Variants in LDB2 observed in about 807,000 individuals in gnomAD.
The protein encoded by LDB2 is LIM domain-binding protein 2.
A neutral mutation model predicts 44.3 loss-of-function variants in LDB2; 12 were observed. The ratio of observed to expected loss-of-function variants is 0.27; its 90% CI spans 0.17 to 0.44. LDB2 has a LOEUF of 0.44. LDB2 is among the 20% of genes least tolerant of loss of function. The pLI, the probability that LDB2 is intolerant of heterozygous loss-of-function variation, is 1.00. For synonymous variants in LDB2, 164 were observed against 174.8 expected (o/e 0.94, Z 0.49); for missense variants, 344 against 473.5 (o/e 0.73, Z 2.54).
chr4:16,803,342 G>A lies in LDB2; in HGVS notation c.133-44082C>T, dbSNP rs76731394. Among the ~76,000 whole-genome samples the A allele has an allele frequency of 6.5e-3, 996 of 152,216 alleles. 22 individuals are homozygous for A. The highest frequency in any genetic ancestry group is 0.023 in the African/African-American group (963 of 41,542). ...CATTGCTGCTGTTAAGAAATTAGAA[G>A]GATGCTGACTTCCTACGTGAATTGC... On this transcript the variant is annotated intron_variant, in intron 1 of 7. Transcript: ENST00000304523.
chr4:16,775,276 T>A (rs1771642391), intron 1 of LDB2, among the ~76,000 whole-genome samples: 1 of 152,152 alleles, frequency 6.6e-6, no homozygotes, highest in Admixed American at 6.5e-5. Flanking sequence ...GCAGAGACGG[T>A]CCCAAAGCCA....
At chr4:16,762,410 T>A (rs1436538597) in intron 1 of LDB2, among the ~76,000 whole-genome samples, 2 of 152,194 alleles carry the variant, frequency 1.3e-5, no homozygotes, top group Non-Finnish European at 2.9e-5. Context: ...CACACTGCTA[T>A]GAAGATATAC....
At chr4:16,509,710 C>T (rs575154000) in intron 6 of LDB2, among the ~76,000 whole-genome samples, 1 of 152,282 alleles carries the variant, frequency 6.6e-6, no homozygotes, top group South Asian at 2.1e-4. Context: ...TTGGAAATGG[C>T]AAGTAAGAGC....
At chr4:16,870,980 G>T (rs1200597324) in intron 1 of LDB2, among the ~76,000 whole-genome samples, 2 of 152,130 alleles carry the variant, frequency 1.3e-5, no homozygotes. Context: ...ATTTAGACCT[G>T]CATACACTGC....
Position 16,835,434 on chromosome 4 carries a change from A to G in LDB2, c.132+62920T>C, listed in dbSNP as rs573006396. 9.8e-5 allele frequency among the ~76,000 whole-genome samples: 15 copies of G among 152,332 alleles called. No individual in the cohort carries two copies. In the South Asian group the frequency reaches 1.9e-3, roughly 19 times the overall value. On this transcript the variant is annotated intron_variant, in intron 1 of 7. Coordinates refer to ENST00000304523, the MANE Select transcript of LDB2 (RefSeq NM_001290.5). Reference sequence around the variant, plus strand: ...GTAACAATATTTTTGCAAGTCTTCTATGGTGTTTCATGCATCAGTCATTCA... The same window carrying G: ...GTAACAATATTTTTGCAAGTCTTCTGTGGTGTTTCATGCATCAGTCATTCA...
chr4:16,709,638 A>G (rs1755424487), intron 2 of LDB2, among the ~76,000 whole-genome samples: 1 of 152,196 alleles, frequency 6.6e-6, no homozygotes, highest in South Asian at 2.1e-4. Flanking sequence ...TGATTTGCAC[A>G]TTGTCTTTCT....
chr4:16,517,795 G>A (rs1724348495), intron 5 of LDB2, among the ~76,000 whole-genome samples: 1 of 152,148 alleles, frequency 6.6e-6, no homozygotes, highest in Admixed American at 6.5e-5. Context: ...CTATGCTTCT[G>A]ACCTCTTTTT....
intron 1 of LDB2, among the ~76,000 whole-genome samples, chr4:16,769,685 T>G (rs1770215836): frequency 6.6e-6 from 1 of 152,152 alleles, no homozygotes; most frequent in Admixed American, 6.5e-5. Context: ...ATTTGCTCAT[T>G]CTCAGCTAAA....
chr4:16,733,188 T>A (rs543936075), intron 2 of LDB2, among the ~76,000 whole-genome samples: 2 of 152,170 alleles, frequency 1.3e-5, no homozygotes, highest in African/African-American at 2.4e-5. Flanking sequence ...TGAAGCCTAC[T>A]TTTCTACCTC....
chr4:16,835,552 C>T (rs1277534426), intron 1 of LDB2, among the ~76,000 whole-genome samples: 4 of 152,100 alleles, frequency 2.6e-5, no homozygotes, highest in Non-Finnish European at 5.9e-5. Flanking sequence ...TTTTTTAAGG[C>T]TGTTATAAAT....
chr4:16,880,025 A>T (rs987406908), intron 1 of LDB2, among the ~76,000 whole-genome samples: 22 of 152,102 alleles, frequency 1.4e-4, no homozygotes, highest in Admixed American at 1.3e-3. Flanking sequence ...TGTTTGCTTG[A>T]TGGCATCTCA....
intron 1 of LDB2, among the ~76,000 whole-genome samples, chr4:16,769,796 G>A (rs980864096): frequency 2.0e-5 from 3 of 152,034 alleles, no homozygotes; most frequent in East Asian, 1.9e-4. Context: ...AGAGCATCTC[G>A]GTGTTTCACT....
At chr4:16,725,790 G>A (rs1759304739) in intron 2 of LDB2, among the ~76,000 whole-genome samples, 1 of 151,738 alleles carries the variant, frequency 6.6e-6, no homozygotes, top group African/African-American at 2.4e-5. Context: ...AGTGACAGTG[G>A]CTGACTCCCT....
intron 7 of LDB2, among the ~76,000 whole-genome samples, chr4:16,507,434 T>G (rs1479932603): frequency 4.6e-5 from 7 of 151,864 alleles, no homozygotes. Context: ...AAGACACACT[T>G]GGAAGTAAGT....
intron 1 of LDB2, among the ~76,000 whole-genome samples, chr4:16,820,020 T>G (rs1386126037): frequency 6.6e-6 from 1 of 152,212 alleles, no homozygotes; most frequent in Non-Finnish European, 1.5e-5. Context: ...TGATATATTT[T>G]TTGCTCTACG....
intron 2 of LDB2, among the ~76,000 whole-genome samples, chr4:16,749,611 T>G (rs1024748283): frequency 4.8e-5 from 7 of 145,774 alleles, no homozygotes; most frequent in Non-Finnish European, 9.1e-5. Context: ...TATATATGAG[T>G]CTCAAGTCCT....
chr4:16,864,315 G>T (rs1354394658), intron 1 of LDB2, among the ~76,000 whole-genome samples: 2 of 151,990 alleles, frequency 1.3e-5, no homozygotes, highest in Non-Finnish European at 2.9e-5. Flanking sequence ...CAAACACAGG[G>T]AAAAATCAAA....
chr4:16,624,958 C>T (rs1038045284), intron 2 of LDB2, among the ~76,000 whole-genome samples: 4 of 152,200 alleles, frequency 2.6e-5, no homozygotes, highest in Non-Finnish European at 5.9e-5. Flanking sequence ...GTCTAACCAT[C>T]TACTAAAGGT....
At chr4:16,548,227 C>G (rs1236332368) in intron 5 of LDB2, among the ~76,000 whole-genome samples, 1 of 152,124 alleles carries the variant, frequency 6.6e-6, no homozygotes, top group Non-Finnish European at 1.5e-5. Flanking sequence ...AAGAGTATCT[C>G]TGTGCCCATC....
Sources: gnomAD v4.1 joint callset for allele counts (sites outside exome capture counted in the v4.1 genomes callset) on GRCh38, gnomAD v4.1.1 for gene constraint, MANE v1.5 for transcripts, NCBI Gene and HGNC (gene_info 2026-07-23, HGNC 2026-07-21) for gene names.